EPS15: variants seen among roughly 807,000 people sequenced by gnomAD.
The protein encoded by EPS15 is epidermal growth factor receptor substrate 15.
In EPS15, 72 loss-of-function variants were observed where a neutral mutation model predicts 113.8. The ratio of observed to expected loss-of-function variants is 0.63; its 90% CI spans 0.52 to 0.77. EPS15 has a LOEUF of 0.77. Among genes scored for constraint, EPS15 ranks in the 30% least tolerant of loss-of-function variants. The probability of loss-of-function intolerance (pLI) is 0.00; values close to 1 mark genes in which losing one functional copy is unlikely to be tolerated. For synonymous variants in EPS15, 344 were observed against 363.4 expected (o/e 0.95, Z 0.61); for missense variants, 1,048 against 1,045.8 (o/e 1.00, Z -0.03).
rs1646195015 is a variant in EPS15 at position 51,355,276 on chromosome 1, T to C, written c.*1424A>G. On this transcript the variant is annotated 3_prime_UTR_variant, in exon 25 of 25. Transcript: ENST00000371733. ...TGGAATTTATTTATAGGCTAGGCAA[T>C]AAGTTACTCAGATTAACACAGATCA... 1 of 218,436 alleles carries C rather than the reference T, an allele frequency of 4.6e-6. No homozygotes were observed. The highest frequency in any genetic ancestry group is 5.8e-5 in the Admixed American group (1 of 17,288). 13.5% of individuals were successfully genotyped at this position (218,436 alleles called of 1,614,324 possible). A position where few individuals can be genotyped will look rare whatever the true frequency, so the allele number is the denominator to read the frequency against.
intron 11 of EPS15, among the ~76,000 whole-genome samples, chr1:51,441,833 C>T (rs1489681832): frequency 2.0e-5 from 3 of 152,126 alleles, no homozygotes; most frequent in Non-Finnish European, 4.4e-5. Context: ...GATTTAAGTG[C>T]TATTTCACGC....
chr1:51,425,487 C>T (rs1272483423), intron 12 of EPS15, among the ~76,000 whole-genome samples: 2 of 152,176 alleles, frequency 1.3e-5, no homozygotes, highest in African/African-American at 4.8e-5. Flanking sequence ...ACAGCAGCAT[C>T]CACTATTTCG....
At position 51,447,377 on chromosome 1, in the gene EPS15, C is replaced by T. The variant is rs1653150096; in HGVS notation, c.652-272G>A. Among the ~76,000 whole-genome samples, 5 of 152,188 alleles carry T rather than the reference C, an allele frequency of 3.3e-5. 1 individual carries two copies. In the South Asian group the frequency reaches 1.0e-3, roughly 32 times the overall value. Reference sequence around the variant, plus strand: ...TGAGTAAATTCAAACATAGTTAACTCTTGACTAATGCCCACATTAATATAG... The same window carrying T: ...TGAGTAAATTCAAACATAGTTAACTTTTGACTAATGCCCACATTAATATAG... On this transcript the variant is annotated intron_variant, in intron 9 of 24. Transcript: ENST00000371733.
intron 21 of EPS15, among the ~76,000 whole-genome samples, chr1:51,374,980 A>G (rs1366206351): frequency 6.7e-6 from 1 of 149,456 alleles, no homozygotes; most frequent in Admixed American, 6.7e-5. Context: ...CCAGCCATAA[A>G]ATATTTAATA....
chr1:51,405,812 C>A, intron 16 of EPS15, 93 bp downstream of exon 16: 1 of 1,039,594 alleles, frequency 9.6e-7, no homozygotes, highest in Non-Finnish European at 1.5e-6. Context: ...TCAGATGAGG[C>A]AAGGCCATGT....
chr1:51,357,411 T>A (rs1570057493), intron 24 of EPS15, among the ~76,000 whole-genome samples: 1 of 59,596 alleles, frequency 1.7e-5, no homozygotes, highest in African/African-American at 8.4e-5. Context: ...TATATATATA[T>A]ATATATATAT....
chr1:51,510,542 G>A (rs1010335596), intron 1 of EPS15, among the ~76,000 whole-genome samples: 7 of 152,164 alleles, frequency 4.6e-5, no homozygotes, highest in African/African-American at 1.2e-4. Flanking sequence ...AGTGGCATAA[G>A]AATGTTTTCC....
At chr1:51,412,274 T>C (rs1649795903) in intron 13 of EPS15, among the ~76,000 whole-genome samples, 1 of 152,106 alleles carries the variant, frequency 6.6e-6, no homozygotes, top group African/African-American at 2.4e-5. Flanking sequence ...GCTTAAAACC[T>C]AGATGATGGG....
chr1:51,371,481 A>G (rs1646649593), intron 21 of EPS15, among the ~76,000 whole-genome samples: 1 of 151,228 alleles, frequency 6.6e-6, no homozygotes, highest in African/African-American at 2.4e-5. Flanking sequence ...TCTCTTTTGC[A>G]TCTTACATTT....
intron 1 of EPS15, among the ~76,000 whole-genome samples, chr1:51,488,659 A>G (rs1644171711): frequency 6.6e-6 from 1 of 152,120 alleles, no homozygotes; most frequent in East Asian, 1.9e-4. Context: ...ATACAATCAC[A>G]CTGCTGCCTC....
intron 21 of EPS15, among the ~76,000 whole-genome samples, chr1:51,389,772 C>T (rs1570169486): frequency 6.6e-6 from 1 of 152,180 alleles, no homozygotes; most frequent in African/African-American, 2.4e-5. Context: ...CATGAGGGAC[C>T]TCTTCAAGGA....
chr1:51,425,891 T>C (rs1033002669), intron 12 of EPS15, among the ~76,000 whole-genome samples: 3 of 152,152 alleles, frequency 2.0e-5, no homozygotes, highest in Non-Finnish European at 2.9e-5. Context: ...TTTAAATTTG[T>C]TAAAAGGAAT....
chr1:51,370,682 A>C (rs1646626245), intron 21 of EPS15, among the ~76,000 whole-genome samples: 2 of 149,306 alleles, frequency 1.3e-5, no homozygotes. Flanking sequence ...GTGCAGTGGC[A>C]TAACCTCAGC....
chr1:51,361,459 A>AT, intron 23 of EPS15, 104 bp from the exon 24 acceptor site: 1 of 798,646 alleles, frequency 1.3e-6, no homozygotes, highest in Non-Finnish European at 2.0e-6. Context: ...GTAGAGGATG[A>AT]TTGAGTACCT....
intron 2 of EPS15, among the ~76,000 whole-genome samples, chr1:51,478,758 T>C (rs1480442515): frequency 6.6e-6 from 1 of 152,176 alleles, no homozygotes; most frequent in East Asian, 1.9e-4. Flanking sequence ...GAAAATTCTT[T>C]TCTTTAAGAA....
Position 51,406,037 on chromosome 1 carries a change from T to G in EPS15, c.1545A>C (p.Pro515=). The change falls in exon 16 of 25, where the codon CCA becomes CCC. Residue 515 remains proline (P), a synonymous_variant. Coordinates refer to ENST00000371733, the MANE Select transcript of EPS15 (RefSeq NM_001981.3). ...TAGCTCCGTTTACAAGAATGCTGTG[T>G]GGGCTACTGCACCAATTTAACTGAC... ...HNSQLNWCSS[P]HSILVNGATD... is the part of the protein sequence containing the mutation. The G allele has an allele frequency of 6.2e-7, 1 of 1,614,212 alleles. No homozygotes were observed. The highest frequency in any genetic ancestry group is 2.2e-5 in the East Asian group (1 of 44,888).
chr1:51,469,356 G>A (rs997406181), intron 4 of EPS15, among the ~76,000 whole-genome samples: 18 of 152,070 alleles, frequency 1.2e-4, no homozygotes, highest in African/African-American at 4.1e-4. Flanking sequence ...GAAAATAACT[G>A]TGCAACATCA....
chr1:51,459,010 T>A (rs1421505035), intron 8 of EPS15: 2 of 152,184 alleles, frequency 1.3e-5, no homozygotes, highest in African/African-American at 4.8e-5. Context: ...TCCCAACTAT[T>A]ATTCAAATTA....
At chr1:51,466,014 CA>C (rs1265961505) in intron 5 of EPS15, among the ~76,000 whole-genome samples, 2 of 145,646 alleles carry the variant, frequency 1.4e-5, no homozygotes, top group Non-Finnish European at 3.0e-5. Context: ...TTTAAAAAAA[CA>C]AAAAACAAGA....
Sources: allele counts gnomAD v4.1 joint callset (sites outside exome capture counted in the v4.1 genomes callset), GRCh38; gene constraint gnomAD v4.1.1; transcripts MANE v1.5; gene names NCBI Gene and HGNC (gene_info 2026-07-23, HGNC 2026-07-21).